The following TTLL11 variants were observed in gnomAD, a reference collection of about 807,000 sequenced individuals.
The protein encoded by TTLL11 is tubulin tyrosine ligase like 11.
In TTLL11, 42 loss-of-function variants were observed where a neutral mutation model predicts 51.7. That is an observed-to-expected ratio of 0.81 (90% CI 0.64 to 1.05). The LOEUF (loss-of-function observed/expected upper bound fraction) is 1.05, where lower values mean the gene tolerates loss of function less well. TTLL11 is among the 50% of genes least tolerant of loss of function. TTLL11 has a pLI of 0.00. For missense variants in TTLL11, 799 were observed against 940.4 expected, an observed-to-expected ratio of 0.85 and a Z score of 1.97; for synonymous variants, 381 against 383.5, an observed-to-expected ratio of 0.99 and a Z score of 0.08.
chr9:121,845,328 T>G (rs1284396681), intron 8 of TTLL11, among the ~76,000 whole-genome samples: 1 of 151,992 alleles, frequency 6.6e-6, no homozygotes. Context: ...CCTCCAGAAA[T>G]GAAGGAGAAA....
chr9:122,025,360 CA>C (rs1844299338), intron 3 of TTLL11, among the ~76,000 whole-genome samples: 1 of 152,186 alleles, frequency 6.6e-6, no homozygotes, highest in African/African-American at 2.4e-5. Context: ...CAGACAGGAG[CA>C]GTGGCTCACG....
intron 6 of TTLL11, among the ~76,000 whole-genome samples, chr9:121,896,432 C>T (rs1839528873): frequency 2.0e-5 from 3 of 152,218 alleles, no homozygotes. Context: ...CTGCTGCCCT[C>T]AGCTCTCCCA....
chr9:122,014,080 C>T (rs1843895068), intron 3 of TTLL11, among the ~76,000 whole-genome samples: 1 of 152,050 alleles, frequency 6.6e-6, no homozygotes, highest in Non-Finnish European at 1.5e-5. Context: ...TGACTTGAAC[C>T]TATGGTCAGG....
At chr9:121,832,843 G>A (rs1053720278) in intron 8 of TTLL11, among the ~76,000 whole-genome samples, 1 of 152,194 alleles carries the variant, frequency 6.6e-6, no homozygotes, top group East Asian at 1.9e-4. Flanking sequence ...AGGAAGCTTA[G>A]TCAGGAGAAT....
Position 121,989,215 on chromosome 9 carries a change from G to C in TTLL11, c.1249C>G (p.Pro417Ala), listed in dbSNP as rs1295839732. ...FYQSDIPTGRPGPTCFQILGF... is the reference protein window; with the variant it reads ...FYQSDIPTGRAGPTCFQILGF... ...GTTACCTGGAAGCACGTGGGGCCCG[G>C]CCTCCCCGTGGGGATGTCTGACTGG... is the stretch of plus-strand genomic sequence containing the variant. Residue 417 changes from proline (P) to alanine (A), a missense_variant, in exon 4 of 9, where the codon CCG becomes GCG. Around this residue, in one of 3 missense-constraint regions of TTLL11, gnomAD observed 468 missense variants for 612.8 expected, o/e 0.76. Coordinates refer to ENST00000321582, the MANE Select transcript of TTLL11 (RefSeq NM_001139442.2). This position sits in a 1 kb window ranked among gnomAD's most constrained non-coding sequence, Gnocchi z 4.2. The C allele has an allele frequency of 6.2e-7, 1 of 1,613,894 alleles. No individual in the cohort carries two copies. The highest frequency in any genetic ancestry group is 1.3e-5 in the African/African-American group (1 of 74,920).
chr9:122,014,003 C>A (rs1014452393), intron 3 of TTLL11, among the ~76,000 whole-genome samples: 2 of 152,046 alleles, frequency 1.3e-5, no homozygotes, highest in Non-Finnish European at 2.9e-5. Context: ...ACTGAAGAAG[C>A]CTTGGCGGGT....
intron 1 of TTLL11, among the ~76,000 whole-genome samples, chr9:122,072,489 C>A (rs1429001241): frequency 1.3e-5 from 2 of 152,038 alleles, no homozygotes. Flanking sequence ...ACTAAAAATA[C>A]AAAAATTAGC....
chr9:122,054,500 A>C (rs1011096319), intron 1 of TTLL11, among the ~76,000 whole-genome samples: 1 of 152,208 alleles, frequency 6.6e-6, no homozygotes, highest in Admixed American at 6.5e-5. Context: ...GTTTTAATTA[A>C]AATTCCAGTT....
chr9:121,927,357 C>G (rs540076139), intron 6 of TTLL11, among the ~76,000 whole-genome samples: 1 of 152,212 alleles, frequency 6.6e-6, no homozygotes, highest in Non-Finnish European at 1.5e-5. Flanking sequence ...TCTCTCTAAG[C>G]TTTTCAGTTC....
chr9:121,971,068 G>A (rs1842538187), intron 6 of TTLL11, among the ~76,000 whole-genome samples: 1 of 138,926 alleles, frequency 7.2e-6, no homozygotes, highest in East Asian at 2.2e-4. Flanking sequence ...GGAGGGAGGT[G>A]GGGGGGTCAG....
At chr9:122,015,072 A>G (rs544714735) in intron 3 of TTLL11, among the ~76,000 whole-genome samples, 155 of 152,300 alleles carry the variant, frequency 1.0e-3, no homozygotes, top group Non-Finnish European at 2.0e-3. Flanking sequence ...AGATCATGAT[A>G]CCTTCCCAAA....
At chr9:121,942,738 A>ATTTTTTTTTTTT (rs34352222) in intron 6 of TTLL11, among the ~76,000 whole-genome samples, 2 of 97,902 alleles carry the variant, frequency 2.0e-5, no homozygotes, top group Non-Finnish European at 4.2e-5. Flanking sequence ...AATCTGTCTT[A>ATTTTTTTTTTTT]TTTTTTTTTT....
At chr9:121,827,124 T>C (rs1836836621) in intron 8 of TTLL11, among the ~76,000 whole-genome samples, 1 of 146,860 alleles carries the variant, frequency 6.8e-6, no homozygotes, top group Admixed American at 6.7e-5. Context: ...TTTCTAACCA[T>C]TTTTTTTTAT....
At chr9:121,872,921 T>C (rs939075677) in intron 6 of TTLL11, among the ~76,000 whole-genome samples, 1 of 152,234 alleles carries the variant, frequency 6.6e-6, no homozygotes, top group Admixed American at 6.5e-5. Context: ...CATCATCACC[T>C]TGAACTTAAG....
chr9:121,830,722 T>C (rs927040871), intron 8 of TTLL11, among the ~76,000 whole-genome samples: 1 of 152,196 alleles, frequency 6.6e-6, no homozygotes, highest in African/African-American at 2.4e-5. Context: ...ACATTCTCCA[T>C]GCCATCTCCT....
chr9:121,975,992 A>G (rs1282862890), intron 4 of TTLL11, among the ~76,000 whole-genome samples: 1 of 152,200 alleles, frequency 6.6e-6, no homozygotes, highest in African/African-American at 2.4e-5. Context: ...GAAACTCAGG[A>G]AGGCCAATGG....
intron 6 of TTLL11, among the ~76,000 whole-genome samples, chr9:121,941,408 A>G (rs185424603): frequency 6.2e-4 from 95 of 152,350 alleles, no homozygotes; most frequent in Middle Eastern, 3.4e-3. Flanking sequence ...GATGGTGACA[A>G]CAGTGATGAC....
chr9:122,080,322 C>T (rs1845969847), intron 1 of TTLL11, among the ~76,000 whole-genome samples: 1 of 152,120 alleles, frequency 6.6e-6, no homozygotes, highest in African/African-American at 2.4e-5. Flanking sequence ...CCATATATTC[C>T]AAAAGCCTTA....
intron 6 of TTLL11, among the ~76,000 whole-genome samples, chr9:121,895,673 ATGTGTGTC>A (rs1168419173): frequency 4.9e-5 from 1 of 20,210 alleles, no homozygotes; most frequent in Non-Finnish European, 1.0e-4. Context: ...GTGTGTGTTT[ATGTGTGTC>A]TGTGTGAATG....
Sources: gnomAD v4.1 joint callset for allele counts (sites outside exome capture counted in the v4.1 genomes callset) on GRCh38, gnomAD v4.1.1 for gene constraint, gnomAD v4.1.1 regional missense constraint, Gnocchi (gnomAD v3.1) non-coding constraint, MANE v1.5 for transcripts, NCBI Gene and HGNC (gene_info 2026-07-23, HGNC 2026-07-21) for gene names.